WASHC3: variants seen among roughly 807,000 people sequenced by gnomAD.
WASHC3 encodes the protein WASH complex subunit 3.
Under a neutral mutation model 26.1 loss-of-function variants are expected in WASHC3, and 24 were observed. The observed-to-expected ratio is 0.92, with a 90% CI of 0.66 to 1.29. The LOEUF is 1.29. Among genes scored for constraint, WASHC3 ranks in the 50% most tolerant of loss-of-function variants. The pLI is 0.00. For missense variants in WASHC3, 214 were observed against 229.6 expected (o/e 0.93, Z 0.44); for synonymous variants, 77 against 75.7 (o/e 1.02, Z -0.09).
chr12:102,030,881 A>AT (rs1049250237), intron 5 of WASHC3, among the ~76,000 whole-genome samples: 1 of 152,238 alleles, frequency 6.6e-6, no homozygotes, highest in Non-Finnish European at 1.5e-5. Flanking sequence ...AAAGCAAGAA[A>AT]TTTAAAACCT....
chr12:102,034,055 C>A (rs1281688506), intron 5 of WASHC3, among the ~76,000 whole-genome samples: 2 of 152,016 alleles, frequency 1.3e-5, no homozygotes, highest in Non-Finnish European at 2.9e-5. Flanking sequence ...AAGTGAAACA[C>A]TTTTCAGTAT....
At chr12:102,013,538 A>C (rs540871109) in intron 6 of WASHC3, among the ~76,000 whole-genome samples, 1 of 152,324 alleles carries the variant, frequency 6.6e-6, no homozygotes, top group East Asian at 1.9e-4. Flanking sequence ...GAAGCTTCCA[A>C]GTGTACATGA....
At chr12:102,057,188 G>C (rs1878625448) in intron 2 of WASHC3, among the ~76,000 whole-genome samples, 1 of 152,054 alleles carries the variant, frequency 6.6e-6, no homozygotes, top group African/African-American at 2.4e-5. Flanking sequence ...TCAATAGATG[G>C]AACAAAGGCA....
intron 5 of WASHC3, among the ~76,000 whole-genome samples, chr12:102,034,604 C>T (rs1201912192): frequency 6.6e-6 from 1 of 152,094 alleles, no homozygotes; most frequent in Non-Finnish European, 1.5e-5. Flanking sequence ...ATAATACCCA[C>T]AGGTATGTTC....
intron 5 of WASHC3, among the ~76,000 whole-genome samples, chr12:102,037,211 A>G (rs1877700962): frequency 6.6e-6 from 1 of 152,236 alleles, no homozygotes; most frequent in Non-Finnish European, 1.5e-5. Context: ...TAGACAAATT[A>G]TAAGCATTTT....
intron 6 of WASHC3, among the ~76,000 whole-genome samples, chr12:102,014,721 G>C (rs1199009944): frequency 2.0e-5 from 3 of 152,134 alleles, no homozygotes; most frequent in Non-Finnish European, 4.4e-5. Context: ...AGCAGTTCCA[G>C]GATTTGACTG....
At chr12:102,035,436 T>C (rs1413154859) in intron 5 of WASHC3, among the ~76,000 whole-genome samples, 1 of 152,206 alleles carries the variant, frequency 6.6e-6, no homozygotes. Flanking sequence ...ACTCATGATA[T>C]GCTTAGAAAA....
At chr12:102,035,097 G>C (rs1348726330) in intron 5 of WASHC3, among the ~76,000 whole-genome samples, 3 of 152,028 alleles carry the variant, frequency 2.0e-5, no homozygotes, top group African/African-American at 7.2e-5. Context: ...GGAAGATTTA[G>C]ATAAGGCTTT....
At chr12:102,019,875 C>T (rs1876875100) in intron 6 of WASHC3, among the ~76,000 whole-genome samples, 1 of 152,192 alleles carries the variant, frequency 6.6e-6, no homozygotes, top group African/African-American at 2.4e-5. Context: ...TACAAATCTG[C>T]CCTTTTTAGC....
intron 2 of WASHC3, among the ~76,000 whole-genome samples, chr12:102,054,149 A>G (rs562098521): frequency 4.1e-4 from 62 of 152,342 alleles, no homozygotes; most frequent in African/African-American, 1.4e-3. Flanking sequence ...ATCACAAAAG[A>G]CAGCAAGAGT....
At chr12:102,027,555 AT>A (rs1374250648) in intron 5 of WASHC3, among the ~76,000 whole-genome samples, 1 of 152,040 alleles carries the variant, frequency 6.6e-6, no homozygotes, top group African/African-American at 2.4e-5. Flanking sequence ...TTTAATCCTC[AT>A]TTTTTTAATA....
rs796783810 is a variant in WASHC3 at position 102,050,864 on chromosome 12, CAAG to C, written c.151-4748_151-4746del. 3.3e-5 allele frequency among the ~76,000 whole-genome samples: 5 copies of C among 152,248 alleles called. No individual in the cohort carries two copies. The South Asian group carries it at 1.0e-3, about 32-fold the overall frequency. On this transcript the variant is annotated intron_variant, in intron 2 of 6. Transcript: ENST00000240079. Reference sequence around the variant, plus strand: ...GACCATAAGATTTTGCTGACTAAAGCAAGAATAAAAATGCTCACTGGGGATTTG... The same window carrying C: ...GACCATAAGATTTTGCTGACTAAAGCAATAAAAATGCTCACTGGGGATTTG...
At chr12:102,039,127 GGTTTTT>G (rs1877816742) in intron 5 of WASHC3, among the ~76,000 whole-genome samples, 1 of 84,270 alleles carries the variant, frequency 1.2e-5, no homozygotes, top group African/African-American at 4.8e-5. Flanking sequence ...TATGGAGTTA[GGTTTTT>G]TTTTTTTTTT....
At chr12:102,059,931 A>G (rs1878736347) in intron 2 of WASHC3, 1 of 152,228 alleles carries the variant, frequency 6.6e-6, no homozygotes. Flanking sequence ...CCATTAACAT[A>G]TAAAACTAAA....
chr12:102,026,391 T>C (rs1466418402), intron 5 of WASHC3, among the ~76,000 whole-genome samples: 1 of 152,150 alleles, frequency 6.6e-6, no homozygotes, highest in African/African-American at 2.4e-5. Flanking sequence ...ATACAATGAA[T>C]AGTTAACAAT....
At chr12:102,049,560 T>TA (rs534216834) in intron 2 of WASHC3, among the ~76,000 whole-genome samples, 23 of 147,654 alleles carry the variant, frequency 1.6e-4, no homozygotes, top group Middle Eastern at 3.5e-3. Flanking sequence ...TTTATAAAGT[T>TA]AAAAAAAAAA....
At chr12:102,017,171 G>A (rs1248429548) in intron 6 of WASHC3, among the ~76,000 whole-genome samples, 1 of 152,140 alleles carries the variant, frequency 6.6e-6, no homozygotes, top group Admixed American at 6.5e-5. Context: ...TTGTCATTGT[G>A]TTACAATTGC....
chr12:102,061,772 C>G, intron 1 of WASHC3, 140 bp downstream of exon 1: 1 of 651,748 alleles, frequency 1.5e-6, no homozygotes, highest in South Asian at 1.9e-5. Flanking sequence ...GGCTCTCCCT[C>G]CTGAGGCCCC....
At chr12:102,060,956 CAAAA>C (rs56001519) in intron 2 of WASHC3, among the ~76,000 whole-genome samples, 2 of 55,626 alleles carry the variant, frequency 3.6e-5, no homozygotes, top group Admixed American at 2.4e-4. Context: ...CCCTGTCTCA[CAAAA>C]AAAAAAAAAA....
Sources: allele counts gnomAD v4.1 joint callset (sites outside exome capture counted in the v4.1 genomes callset), GRCh38; gene constraint gnomAD v4.1.1; transcripts MANE v1.5; gene names NCBI Gene and HGNC (gene_info 2026-07-23, HGNC 2026-07-21).